Variants in TEX36 observed in about 807,000 individuals in gnomAD.
TEX36 encodes the protein testis-expressed protein 36.
Under a neutral mutation model 13.6 loss-of-function variants are expected in TEX36, and 12 were observed. That is an observed-to-expected ratio of 0.88 (90% CI 0.56 to 1.43). The LOEUF is 1.43. TEX36 is among the 40% of genes most tolerant of loss of function. TEX36 has a pLI of 0.00. For missense variants in TEX36, 224 were observed against 228.3 expected (o/e 0.98, Z 0.12); for synonymous variants, 93 against 83.0 (o/e 1.12, Z -0.65).
intron 1 of TEX36, chr10:125,667,077 G>A (rs937103133): frequency 4.1e-6 from 5 of 1,227,778 alleles, no homozygotes; most frequent in Non-Finnish European, 5.9e-6. Context: ...AAGGTCACAG[G>A]GAGCACTTGT....
At chr10:125,641,851 T>TAA (rs1846697744) in intron 3 of TEX36, among the ~76,000 whole-genome samples, 1 of 152,214 alleles carries the variant, frequency 6.6e-6, no homozygotes, top group Non-Finnish European at 1.5e-5. Flanking sequence ...TGCAGTATCC[T>TAA]TTTGTTTTTG....
intron 3 of TEX36, among the ~76,000 whole-genome samples, chr10:125,605,586 GTTTA>G (rs56727269): frequency 2.1e-4 from 32 of 151,270 alleles, no homozygotes; most frequent in Admixed American, 4.6e-4. Flanking sequence ...GGTCCAAGAT[GTTTA>G]TTTATTTATT....
intron 3 of TEX36, among the ~76,000 whole-genome samples, chr10:125,629,301 A>T (rs1037439226): frequency 6.6e-6 from 1 of 152,206 alleles, no homozygotes; most frequent in African/African-American, 2.4e-5. Flanking sequence ...AATCAGAAAA[A>T]ACCCATGTTC....
chr10:125,646,922 T>C (rs7079241), intron 3 of TEX36, among the ~76,000 whole-genome samples: 3,976 of 152,226 alleles, frequency 0.026, 178 homozygotes, highest in African/African-American at 0.09. Flanking sequence ...TTTATATAAG[T>C]GGTGTCAGAA....
intron 3 of TEX36, among the ~76,000 whole-genome samples, chr10:125,595,745 A>G (rs1234428778): frequency 6.6e-6 from 1 of 152,106 alleles, no homozygotes; most frequent in African/African-American, 2.4e-5. Flanking sequence ...ACCTCCTCAG[A>G]GCATCCTGCC....
intron 3 of TEX36, among the ~76,000 whole-genome samples, chr10:125,598,210 T>C (rs1310822688): frequency 6.6e-6 from 1 of 152,218 alleles, no homozygotes; most frequent in Non-Finnish European, 1.5e-5. Flanking sequence ...CTGGCCTGTC[T>C]TTGAAGACGC....
intron 3 of TEX36, among the ~76,000 whole-genome samples, chr10:125,599,409 C>T (rs1295458134): frequency 6.6e-6 from 1 of 152,176 alleles, no homozygotes; most frequent in East Asian, 1.9e-4. Flanking sequence ...GTGTGTGTTT[C>T]CTCTTTACTT....
chr10:125,613,079 G>A (rs1456417677), intron 3 of TEX36, among the ~76,000 whole-genome samples: 1 of 151,930 alleles, frequency 6.6e-6, no homozygotes, highest in Non-Finnish European at 1.5e-5. Flanking sequence ...GAGACTGAGA[G>A]CAGAACAGTA....
intron 3 of TEX36, among the ~76,000 whole-genome samples, chr10:125,637,021 G>T (rs997856307): frequency 6.6e-6 from 1 of 152,020 alleles, no homozygotes; most frequent in Admixed American, 6.6e-5. Flanking sequence ...AGAATTATAG[G>T]CCTGGTGCGG....
rs1041235 is a variant in TEX36, at chr10:125,638,041, C to T, written c.265-16396G>A. The stretch of plus-strand genomic sequence containing the variant: ...GGTTTCATCTCAGGTGCCTCATTCT[C>T]AGCTGAAGACCTCTCTCCACCTCCC... On this transcript the variant is annotated intron_variant, in intron 3 of 3. Transcript: ENST00000526819. Among the ~76,000 whole-genome samples the T allele has an allele frequency of 3.0e-3, 449 of 152,128 alleles. 9 individuals are homozygous for T. The South Asian group carries it at 0.04, about 14-fold the overall frequency.
intron 3 of TEX36, among the ~76,000 whole-genome samples, chr10:125,579,296 C>A (rs1030303940): frequency 6.6e-6 from 1 of 152,298 alleles, no homozygotes. Flanking sequence ...GAAGCAAACA[C>A]GTCCTTCTTC....
intron 3 of TEX36, among the ~76,000 whole-genome samples, chr10:125,629,810 T>C (rs1022131811): frequency 2.6e-5 from 4 of 152,212 alleles, no homozygotes; most frequent in African/African-American, 9.7e-5. Flanking sequence ...GTGAATTTTT[T>C]TTTAAGTCAC....
intron 1 of TEX36, among the ~76,000 whole-genome samples, chr10:125,663,919 CT>C (rs1847085521): frequency 6.6e-6 from 1 of 152,124 alleles, no homozygotes; most frequent in African/African-American, 2.4e-5. Context: ...AGTCACCCCC[CT>C]GTCATGCTAT....
downstream of TEX36, among the ~76,000 whole-genome samples, chr10:125,619,151 T>G (rs1246253634): frequency 1.3e-5 from 2 of 151,006 alleles, no homozygotes; most frequent in Non-Finnish European, 3.0e-5. Context: ...AATAAAAAAA[T>G]AAAAATAAAA....
intron 3 of TEX36, among the ~76,000 whole-genome samples, chr10:125,628,541 G>A (rs1407608381): frequency 6.6e-6 from 1 of 152,202 alleles, no homozygotes; most frequent in Non-Finnish European, 1.5e-5. Context: ...GGCTTCCTTT[G>A]TCTTGATTTT....
chr10:125,611,253 T>C lies in TEX36; in HGVS notation c.265-34379A>G, dbSNP rs535245184. 2.6e-5 allele frequency among the ~76,000 whole-genome samples: 4 copies of C among 152,324 alleles called. No individual in the cohort carries two copies. In the South Asian group the frequency reaches 6.2e-4, roughly 24 times the overall value. ...CTTATGATAAATTCTTTGAGTGAAA[T>C]TACCAAATAGGCATATTTTTAAAGT... On this transcript the variant is annotated intron_variant, in intron 3 of 3. Transcript: ENST00000532135.
At chr10:125,672,092 T>C (rs1847241934) in intron 1 of TEX36, among the ~76,000 whole-genome samples, 2 of 147,902 alleles carry the variant, frequency 1.4e-5, no homozygotes, top group Admixed American at 1.3e-4. Context: ...CTAGATTCAT[T>C]GATTTTTTTT....
downstream of TEX36, among the ~76,000 whole-genome samples, chr10:125,619,078 C>T (rs1055706884): frequency 3.9e-4 from 59 of 150,704 alleles, no homozygotes; most frequent in African/African-American, 1.2e-3. Flanking sequence ...TGCAGTGAGC[C>T]GAGATCGCGT....
chr10:125,670,269 T>G (rs1207924781), intron 1 of TEX36, among the ~76,000 whole-genome samples: 4 of 152,310 alleles, frequency 2.6e-5, no homozygotes, highest in Non-Finnish European at 5.9e-5. Context: ...GTTTCTTGAC[T>G]TTTTAATAAT....
Sources: gnomAD v4.1 joint callset for allele counts (sites outside exome capture counted in the v4.1 genomes callset) on GRCh38, gnomAD v4.1.1 for gene constraint, MANE v1.5 for transcripts, NCBI Gene and HGNC (gene_info 2026-07-23, HGNC 2026-07-21) for gene names.